The following KAZN variants were observed in gnomAD, a reference collection of about 807,000 sequenced individuals.
KAZN encodes kazrin, periplakin interacting protein.
A neutral mutation model predicts 87.4 loss-of-function variants in KAZN; 40 were observed. The ratio of observed to expected loss-of-function variants is 0.46; its 90% confidence interval spans 0.36 to 0.60. KAZN has a LOEUF of 0.60. Among genes scored for constraint, KAZN ranks in the 20% least tolerant of loss-of-function variants. The pLI is 0.00. For missense variants in KAZN, 898 were observed against 1,073.9 expected (o/e 0.84, Z 2.29); for synonymous variants, 466 against 458.3 (o/e 1.02, Z -0.22).
At chr1:14,680,861 G>A (rs1205828991) in intron 1 of KAZN, among the ~76,000 whole-genome samples, 1 of 152,154 alleles carries the variant, frequency 6.6e-6, no homozygotes, top group Non-Finnish European at 1.5e-5. Flanking sequence ...GTGAGACTCG[G>A]TAATTTAGAA....
At chr1:14,291,096 G>A (rs12088033) in intron 2 of KAZN, among the ~76,000 whole-genome samples, 9,297 of 152,176 alleles carry the variant, frequency 0.061, 896 homozygotes, top group African/African-American at 0.21. Context: ...GGTGTCAGTC[G>A]GCCCCTACTG....
intron 2 of KAZN, among the ~76,000 whole-genome samples, chr1:14,555,421 A>C (rs1287220622): frequency 6.6e-6 from 1 of 152,202 alleles, no homozygotes; most frequent in East Asian, 1.9e-4. Context: ...AGCTTTCTAC[A>C]ATTGTAGTTT....
At chr1:14,217,520 A>T (rs1363942413) in intron 2 of KAZN, among the ~76,000 whole-genome samples, 2 of 152,090 alleles carry the variant, frequency 1.3e-5, no homozygotes, top group African/African-American at 4.8e-5. Context: ...TAAAAATGGA[A>T]ATTTTTTTAA....
intron 8 of KAZN, among the ~76,000 whole-genome samples, chr1:15,072,433 G>C (rs1251211763): frequency 6.6e-6 from 1 of 152,158 alleles, no homozygotes; most frequent in African/African-American, 2.4e-5. Context: ...CCTCAGAACA[G>C]GGAGGGTTTG....
chr1:14,242,305 T>C (rs889242693), intron 2 of KAZN, among the ~76,000 whole-genome samples: 1 of 152,172 alleles, frequency 6.6e-6, no homozygotes, highest in African/African-American at 2.4e-5. Context: ...AAACATTTAA[T>C]CCACCACATG....
intron 1 of KAZN, among the ~76,000 whole-genome samples, chr1:14,788,006 C>T (rs772176774): frequency 1.3e-5 from 2 of 152,206 alleles, no homozygotes; most frequent in Non-Finnish European, 2.9e-5. Context: ...AGGAATGGCT[C>T]TGTACAGGAA....
chr1:13,979,045 G>A (rs549908199), intron 1 of KAZN, among the ~76,000 whole-genome samples: 10 of 151,792 alleles, frequency 6.6e-5, no homozygotes, highest in African/African-American at 2.2e-4. Flanking sequence ...GCAGTGAGCC[G>A]TGATTGCACC....
chr1:13,932,717 C>G (rs1333044000), intron 1 of KAZN, among the ~76,000 whole-genome samples: 2 of 152,194 alleles, frequency 1.3e-5, no homozygotes, highest in Non-Finnish European at 2.9e-5. Context: ...CTCAGGCAGT[C>G]TGGCTTGGGC....
Position 14,599,110 on chromosome 1 carries a change from C to T in KAZN, c.113C>T (p.Ala38Val). 3 of 1,544,756 alleles carry T rather than the reference C, an allele frequency of 1.9e-6. No individual in the cohort carries two copies. Among genetic ancestry groups the T allele is most frequent in the Non-Finnish European group, 2.6e-6 (3 of 1,149,622 alleles). The change falls in exon 1 of 15, where the codon GCG (alanine) becomes GTG (valine). Residue 38 changes from alanine to valine, a missense_variant. Physicochemically the swap from Ala to Val is moderately conservative, Grantham distance 64. Coordinates refer to ENST00000376030, the MANE Select transcript of KAZN (RefSeq NM_201628.3). This position sits in a 1 kb window ranked among gnomAD's most constrained non-coding sequence, Gnocchi z 4.4. Reference protein sequence around the residue: ...AELTATNRRLAELSGGGGPGP... With the variant: ...AELTATNRRLVELSGGGGPGP... ...CTCACGGCCACCAACCGGAGACTGG[C>T]GGAACTGAGCGGCGGCGGCGGCCCC...
At chr1:15,098,184 AT>A (rs1409002218) in intron 10 of KAZN, among the ~76,000 whole-genome samples, 1 of 152,204 alleles carries the variant, frequency 6.6e-6, no homozygotes, top group Non-Finnish European at 1.5e-5. Flanking sequence ...CAATATCTAA[AT>A]TTTGTGCCGT....
At chr1:14,966,431 A>G (rs997320969) in intron 2 of KAZN, among the ~76,000 whole-genome samples, 13 of 152,062 alleles carry the variant, frequency 8.5e-5, no homozygotes, top group Admixed American at 6.5e-5. Context: ...CCGTCTGTCT[A>G]GTGTGATTGT....
chr1:14,852,551 G>C (rs1649588246), intron 1 of KAZN, among the ~76,000 whole-genome samples: 1 of 152,124 alleles, frequency 6.6e-6, no homozygotes, highest in Admixed American at 6.5e-5. Flanking sequence ...GTCTAGGCTT[G>C]GTCAGCGTTT....
chr1:14,440,459 C>G (rs1457668856), intron 2 of KAZN, among the ~76,000 whole-genome samples: 1 of 152,182 alleles, frequency 6.6e-6, no homozygotes, highest in Non-Finnish European at 1.5e-5. Flanking sequence ...AATTCCCATT[C>G]ATATGTCTGT....
At chr1:14,941,332 G>A (rs1661048619) in intron 1 of KAZN, among the ~76,000 whole-genome samples, 1 of 152,146 alleles carries the variant, frequency 6.6e-6, no homozygotes, top group Non-Finnish European at 1.5e-5. Flanking sequence ...GTCCATGAGT[G>A]GCGTCCAAGG....
chr1:13,926,610 C>A, intron 1 of KAZN, among the ~76,000 whole-genome samples: 1 of 150,018 alleles, frequency 6.7e-6, no homozygotes, highest in African/African-American at 2.5e-5. Context: ...GTAAAAATAA[C>A]CAGGCAATGA....
chr1:14,325,797 T>C (rs772361374), intron 2 of KAZN, among the ~76,000 whole-genome samples: 7 of 152,178 alleles, frequency 4.6e-5, no homozygotes, highest in Non-Finnish European at 1.0e-4. Flanking sequence ...TAAAACACCA[T>C]CAAGCATACC....
intron 2 of KAZN, among the ~76,000 whole-genome samples, chr1:15,008,674 A>G (rs1416439033): frequency 6.6e-6 from 1 of 152,202 alleles, no homozygotes; most frequent in African/African-American, 2.4e-5. Context: ...TCTAAGTCTA[A>G]GGCTCTTTCT....
At chr1:15,054,666 GA>G (rs1032454553) in intron 4 of KAZN, among the ~76,000 whole-genome samples, 4 of 148,746 alleles carry the variant, frequency 2.7e-5, no homozygotes, top group African/African-American at 1.0e-4. Flanking sequence ...AAAAAAAAAA[GA>G]AGAAGAAGAA....
At chr1:13,973,835 A>T (rs376936138) in intron 1 of KAZN, among the ~76,000 whole-genome samples, 52 of 152,300 alleles carry the variant, frequency 3.4e-4, no homozygotes, top group African/African-American at 1.2e-3. Context: ...CTCAAATACC[A>T]TCTCTCTGAG....
Sources: gnomAD v4.1 joint callset for allele counts (sites outside exome capture counted in the v4.1 genomes callset) on GRCh38, gnomAD v4.1.1 for gene constraint, Gnocchi (gnomAD v3.1) non-coding constraint, MANE v1.5 for transcripts, NCBI Gene and HGNC (gene_info 2026-07-23, HGNC 2026-07-21) for gene names.